Variants in ZC3HAV1 observed in about 807,000 individuals in gnomAD.
ZC3HAV1 encodes zinc finger CCCH-type antiviral protein 1.
In ZC3HAV1, 41 loss-of-function variants were observed where a neutral mutation model predicts 86.6. The ratio of observed to expected loss-of-function variants is 0.47; its 90% CI spans 0.37 to 0.61. The LOEUF (loss-of-function observed/expected upper bound fraction) is 0.61, where lower values mean the gene tolerates loss of function less well. ZC3HAV1 is among the 20% of genes least tolerant of loss of function. The pLI is 0.00. For missense variants in ZC3HAV1, 964 were observed against 1,141.1 expected, an observed-to-expected ratio of 0.84 and a Z score of 2.24; for synonymous variants, 421 against 432.1, an observed-to-expected ratio of 0.97 and a Z score of 0.32.
intron 3 of ZC3HAV1, among the ~76,000 whole-genome samples, chr7:139,080,635 G>A (rs75963664): frequency 0.053 from 8,056 of 152,232 alleles, 238 homozygotes; most frequent in Admixed American, 0.066. Context: ...GGCAGAGCAC[G>A]TCATTCCATG....
chr7:139,063,993 C>G (rs76540650), intron 8 of ZC3HAV1, among the ~76,000 whole-genome samples: 2 of 152,160 alleles, frequency 1.3e-5, no homozygotes, highest in African/African-American at 4.8e-5. Context: ...TTTTCTCCCC[C>G]CTTCTTCTAG....
chr7:139,049,468 T>G (rs1049715352), intron 12 of ZC3HAV1: 2 of 152,386 alleles, frequency 1.3e-5, no homozygotes, highest in African/African-American at 4.8e-5. Flanking sequence ...ATTCCCGTGC[T>G]GTAAGTTTTT....
intron 1 of ZC3HAV1, among the ~76,000 whole-genome samples, chr7:139,090,324 C>G (rs372711952): frequency 3.9e-5 from 6 of 152,116 alleles, no homozygotes; most frequent in African/African-American, 1.4e-4. Context: ...CTATTCTTTT[C>G]TTTGATCCTC....
intron 1 of ZC3HAV1, among the ~76,000 whole-genome samples, chr7:139,104,936 G>A (rs1158836783): frequency 6.7e-6 from 1 of 149,058 alleles, no homozygotes; most frequent in African/African-American, 2.5e-5. Context: ...GGGAGGCTGA[G>A]GCAGGACAAT....
intron 12 of ZC3HAV1, among the ~76,000 whole-genome samples, chr7:139,051,692 G>A (rs1816129281): frequency 1.3e-5 from 2 of 152,128 alleles, no homozygotes; most frequent in South Asian, 4.1e-4. Context: ...CCAAAGTACA[G>A]GAATTACAGG....
At chr7:139,103,367 C>G (rs573498246) in intron 1 of ZC3HAV1, among the ~76,000 whole-genome samples, 8 of 151,590 alleles carry the variant, frequency 5.3e-5, no homozygotes, top group South Asian at 2.1e-4. Flanking sequence ...TCCCAAAGCA[C>G]TGGGAGTACA....
chr7:139,055,094 T>G, intron 10 of ZC3HAV1, 111 bp downstream of exon 10: 1 of 978,160 alleles, frequency 1.0e-6, no homozygotes, highest in Non-Finnish European at 1.6e-6. Flanking sequence ...CCAGCCGATC[T>G]AAGAGTTTTG....
At chr7:139,089,101 CAAAAAAAA>C (rs1195760878) in intron 2 of ZC3HAV1, among the ~76,000 whole-genome samples, 6 of 20,688 alleles carry the variant, frequency 2.9e-4, no homozygotes, top group Non-Finnish European at 2.8e-4. Flanking sequence ...GACTCCATCT[CAAAAAAAA>C]AAAAAAAAAA....
intron 1 of ZC3HAV1, among the ~76,000 whole-genome samples, chr7:139,098,698 C>T (rs1046294431): frequency 1.3e-5 from 2 of 152,182 alleles, no homozygotes; most frequent in Non-Finnish European, 2.9e-5. Context: ...AATACTATCT[C>T]TTCCCTGTAT....
intron 4 of ZC3HAV1, 199 bp downstream of exon 4, chr7:139,079,271 G>T (rs1230745544): frequency 6.5e-7 from 1 of 1,536,886 alleles, no homozygotes; most frequent in African/African-American, 1.4e-5. Flanking sequence ...GGATTCCCCA[G>T]GTGTGGTGGG....
At chr7:139,101,489 GCC>G in intron 1 of ZC3HAV1, among the ~76,000 whole-genome samples, 1 of 108,154 alleles carries the variant, frequency 9.2e-6, no homozygotes, top group African/African-American at 3.7e-5. Flanking sequence ...CCTCAGCCCG[GCC>G]ACCACCCCGT....
In ZC3HAV1 at chr7:139,047,422, G is replaced by A; in HGVS notation, c.*172C>T. On this transcript the variant is annotated 3_prime_UTR_variant, in exon 13 of 13. Transcript: ENST00000242351. ...GGGTGCAACCTGGGCATCAGAATTT[G>A]TTTAAAACCTCCCAGATGATTCTAA... 1 of 784,804 alleles carries A rather than the reference G, an allele frequency of 1.3e-6. No homozygotes were observed. The highest frequency in any genetic ancestry group is 3.2e-5 in the East Asian group (1 of 31,420). 48.6% of individuals were successfully genotyped at this position (784,804 alleles called of 1,614,324 possible).
At chr7:139,100,217 C>T (rs1303241533) in intron 1 of ZC3HAV1, among the ~76,000 whole-genome samples, 1 of 151,830 alleles carries the variant, frequency 6.6e-6, no homozygotes, top group African/African-American at 2.4e-5. Flanking sequence ...GGCTAGAGAT[C>T]CAGAATATAT....
At chr7:139,080,470 C>T (rs930235846) in intron 3 of ZC3HAV1, among the ~76,000 whole-genome samples, 2 of 152,010 alleles carry the variant, frequency 1.3e-5, no homozygotes, top group South Asian at 2.1e-4. Context: ...TGCTCTGTTG[C>T]CCAGGCTGGA....
chr7:139,083,921 T>A lies in ZC3HAV1; in HGVS notation c.556A>T (p.Asn186Tyr). The A allele has an allele frequency of 6.2e-7, 1 of 1,613,992 alleles. No homozygotes were observed. The highest frequency in any genetic ancestry group is 8.5e-7 in the Non-Finnish European group (1 of 1,180,008). Residue 186 changes from asparagine to tyrosine, a missense_variant, in exon 3 of 13, where the codon AAC becomes TAC. Coordinates refer to ENST00000242351, the MANE Select transcript of ZC3HAV1 (RefSeq NM_020119.4). ...HFTRGNCRFP[N>Y]CLRSHNLMDR... ...ATCAGGTTATGGGACCGGAGGCAGT[T>A]GGGAAAACGACAGTTCCCTCGGGTG...
intron 2 of ZC3HAV1, among the ~76,000 whole-genome samples, chr7:139,084,278 T>G (rs941145491): frequency 6.6e-6 from 1 of 152,176 alleles, no homozygotes; most frequent in Admixed American, 6.5e-5. Flanking sequence ...GAAGAATCAA[T>G]GTAAGCTGGT....
rs1273022504 is a variant in ZC3HAV1, at chr7:139,043,677, C to G, written c.*3917G>C. 2 of 152,166 alleles carry G rather than the reference C, an allele frequency of 1.3e-5. No homozygotes were observed. The highest frequency in any genetic ancestry group is 4.8e-5 in the African/African-American group (2 of 41,436). 9.4% of individuals were successfully genotyped at this position (152,166 alleles called of 1,614,324 possible). ...GCATGCTGCTGGGCTGGGCATCAGG[C>G]GTGGCACAGCAAACAAGACAGACTG... On this transcript the variant is annotated 3_prime_UTR_variant, in exon 13 of 13. Transcript: ENST00000242351.
chr7:139,095,249 G>A (rs1302430287), intron 1 of ZC3HAV1, among the ~76,000 whole-genome samples: 1 of 152,088 alleles, frequency 6.6e-6, no homozygotes, highest in East Asian at 1.9e-4. Context: ...AAAGCCACGA[G>A]GCTCCTACTC....
At chr7:139,063,851 C>T (rs548690655) in intron 8 of ZC3HAV1, among the ~76,000 whole-genome samples, 1 of 151,934 alleles carries the variant, frequency 6.6e-6, no homozygotes, top group African/African-American at 2.4e-5. Context: ...AAATTTAATA[C>T]CCTAATTTAT....
Sources: allele counts gnomAD v4.1 joint callset (sites outside exome capture counted in the v4.1 genomes callset), GRCh38; gene constraint gnomAD v4.1.1; transcripts MANE v1.5; gene names NCBI Gene and HGNC (gene_info 2026-07-23, HGNC 2026-07-21).